The following PCSK6 variants were observed in gnomAD, a reference collection of about 807,000 sequenced individuals.
PCSK6 encodes paired basic amino acid cleaving enzyme 4.
Under a neutral mutation model 123.3 loss-of-function variants are expected in PCSK6, and 85 were observed. The ratio of observed to expected loss-of-function variants is 0.69; its 90% CI spans 0.58 to 0.83. PCSK6 has a LOEUF of 0.83. Among genes scored for constraint, PCSK6 ranks in the 40% least tolerant of loss-of-function variants. The probability of loss-of-function intolerance (pLI) is 0.00; values close to 1 mark genes in which losing one functional copy is unlikely to be tolerated. For synonymous variants in PCSK6, 508 were observed against 516.0 expected, an observed-to-expected ratio of 0.98 and a Z score of 0.21; for missense variants, 1,191 against 1,282.3, an observed-to-expected ratio of 0.93 and a Z score of 1.09.
chr15:101,407,526 A>T (rs919318538), intron 6 of PCSK6, among the ~76,000 whole-genome samples: 1 of 152,192 alleles, frequency 6.6e-6, no homozygotes, highest in Non-Finnish European at 1.5e-5. Flanking sequence ...CACCTCCATC[A>T]TGGGCTCTCA....
rs576427752 is a variant in PCSK6, at chr15:101,487,136, AGC to A, written c.297+2236_297+2237del. Among the ~76,000 whole-genome samples the A allele has an allele frequency of 5.2e-4, 79 of 152,370 alleles. 1 individual carries two copies. The South Asian group carries it at 0.011, about 20-fold the overall frequency. ...AAATGCTCCAGGCCTTTTCCACATT[AGC>A]AGTGCACTTAGAGGGGGGAAAGAAA... On this transcript the variant is annotated intron_variant, in intron 1 of 21. Transcript: ENST00000611716.
rs1269612842 is a variant in PCSK6 at position 101,370,526 on chromosome 15, G to A, written c.1533-3C>T. 14 of 1,467,824 alleles carry A rather than the reference G, an allele frequency of 9.5e-6. No homozygotes were observed. Among genetic ancestry groups the A allele is most frequent in the Non-Finnish European group, 1.3e-5 (14 of 1,101,286 alleles). 90.9% of individuals were successfully genotyped at this position (1,467,824 alleles called of 1,614,324 possible). On this transcript the variant is annotated splice_region_variant and splice_polypyrimidine_tract_variant and intron_variant, in intron 11 of 21. Coordinates refer to ENST00000611716, the MANE Select transcript of PCSK6 (RefSeq NM_002570.5). ...GCACCTGCACTAAGGGGATGCTCCT[G>A]GGGGAGAAGGGAGGGCTCAGCACTT...
Position 101,370,478 on chromosome 15 carries a change from G to C in PCSK6, c.1578C>G (p.Ser526Arg), listed in dbSNP as rs190254740. ...GCTGGTCCGAGTGCTCCGCGCAGGC[G>C]CTGGTCAGGGCCGTAGTCCGCAGCA... ...VQVLRTTALT[S>R]ACAEHSDQRV... Residue 526 changes from serine (S) to arginine (R), a missense_variant, in exon 12 of 22, where the codon AGC becomes AGG. By Grantham distance (110) the Ser-to-Arg change is moderately radical. Transcript: ENST00000611716. The C allele has an allele frequency of 2.6e-6, 4 of 1,544,454 alleles. No individual in the cohort carries two copies.
At chr15:101,405,890 AC>A (rs1193122347) in intron 6 of PCSK6, among the ~76,000 whole-genome samples, 3 of 152,042 alleles carry the variant, frequency 2.0e-5, no homozygotes, top group African/African-American at 7.2e-5. Flanking sequence ...TTACAGGCAC[AC>A]ACCACCACGC....
At chr15:101,328,110 C>G (rs758556614) in intron 15 of PCSK6, among the ~76,000 whole-genome samples, 2 of 152,194 alleles carry the variant, frequency 1.3e-5, no homozygotes, top group Non-Finnish European at 2.9e-5. Flanking sequence ...TTTAAATTAC[C>G]CATTGAGCCC....
chr15:101,451,170 G>A lies in PCSK6; in HGVS notation c.298-7510C>T, dbSNP rs183178188. Among the ~76,000 whole-genome samples the A allele has an allele frequency of 2.6e-5, 4 of 152,132 alleles. No homozygotes were observed. The East Asian group carries it at 7.7e-4, about 29-fold the overall frequency. On this transcript the variant is annotated intron_variant, in intron 1 of 21. Transcript: ENST00000611716. ...AGCTCGGGTTCACTCTGCCAGAAAAGACTAAATGTTTTTTGAAGATCCTGA... is the reference window on the plus strand; with the variant it reads ...AGCTCGGGTTCACTCTGCCAGAAAAAACTAAATGTTTTTTGAAGATCCTGA...
chr15:101,465,265 A>C (rs1333272619), intron 1 of PCSK6, among the ~76,000 whole-genome samples: 3 of 152,174 alleles, frequency 2.0e-5, no homozygotes. Context: ...GGGGACAGGG[A>C]CACACGCTGA....
intron 3 of PCSK6, 137 bp downstream of exon 3, chr15:101,431,853 T>C: frequency 1.4e-6 from 1 of 707,334 alleles, no homozygotes; most frequent in Non-Finnish European, 2.5e-6. Context: ...CTTGCGGTAG[T>C]GGTTTTACAC....
chr15:101,310,517 A>T (rs1299553156), intron 20 of PCSK6, among the ~76,000 whole-genome samples: 1 of 152,248 alleles, frequency 6.6e-6, no homozygotes, highest in Non-Finnish European at 1.5e-5. Context: ...TCTGAGAACC[A>T]GCTGACTGGT....
intron 8 of PCSK6, among the ~76,000 whole-genome samples, chr15:101,392,662 A>G (rs1189172902): frequency 6.7e-6 from 1 of 148,854 alleles, no homozygotes; most frequent in Non-Finnish European, 1.5e-5. Flanking sequence ...CCTGAGTACT[A>G]AAACAGTTAC....
chr15:101,483,704 G>A (rs2057948111), intron 1 of PCSK6, among the ~76,000 whole-genome samples: 1 of 152,254 alleles, frequency 6.6e-6, no homozygotes, highest in African/African-American at 2.4e-5. Flanking sequence ...ATGCACACAG[G>A]TTAGAGCGAG....
intron 13 of PCSK6, chr15:101,336,913 A>G (rs1327831549): frequency 6.6e-6 from 1 of 152,222 alleles, no homozygotes; most frequent in Non-Finnish European, 1.5e-5. Flanking sequence ...TGTGCCTCCA[A>G]AAGAGACCTT....
Position 101,489,224 on chromosome 15 carries a change from C to T in PCSK6, c.297+150G>A, listed in dbSNP as rs1437539365. ...GGCGACACCCCCCCCCGCAGGGCGC[C>T]CCGGCCGCCCGCCGTCCCCAAGCGG... On this transcript the variant is annotated intron_variant, in intron 1 of 21. Transcript: ENST00000611716. The T allele has an allele frequency of 2.0e-4, 75 of 366,794 alleles. 2 individuals carry two copies. The South Asian group carries it at 8.1e-3, about 40-fold the overall frequency. The allele number at this position is 366,794 out of a possible 1,614,324, so 22.7% of individuals were successfully genotyped here. A position where few individuals can be genotyped will look rare whatever the true frequency, so the allele number is the denominator to read the frequency against.
At chr15:101,405,367 A>C (rs1567196993) in intron 6 of PCSK6, among the ~76,000 whole-genome samples, 1 of 152,194 alleles carries the variant, frequency 6.6e-6, no homozygotes, top group African/African-American at 2.4e-5. Flanking sequence ...TGGCACAATG[A>C]ACCCGCCTGC....
chr15:101,483,721 T>C (rs899567348), intron 1 of PCSK6, among the ~76,000 whole-genome samples: 2 of 152,238 alleles, frequency 1.3e-5, no homozygotes, highest in Non-Finnish European at 2.9e-5. Flanking sequence ...CGAGGGTGAC[T>C]GGAAGGAGAA....
At chr15:101,385,551 C>T (rs2042035412) in intron 9 of PCSK6, among the ~76,000 whole-genome samples, 1 of 152,200 alleles carries the variant, frequency 6.6e-6, no homozygotes, top group Admixed American at 6.5e-5. Flanking sequence ...ATAATGGCAG[C>T]ACTTCTGGTT....
intron 19 of PCSK6, chr15:101,313,902 G>C (rs1215386816): frequency 5.9e-6 from 1 of 168,306 alleles, no homozygotes. Flanking sequence ...ATGTTGAAAT[G>C]GCAATATTTT....
At chr15:101,439,506 C>A (rs2056698838) in intron 2 of PCSK6, among the ~76,000 whole-genome samples, 2 of 152,328 alleles carry the variant, frequency 1.3e-5, no homozygotes, top group Admixed American at 6.5e-5. Context: ...CCCACGTGGG[C>A]AAATCCTCTG....
chr15:101,326,538 C>G, intron 15 of PCSK6, 59 bp from the exon 16 acceptor site: 1 of 1,434,032 alleles, frequency 7.0e-7, no homozygotes, highest in Admixed American at 2.0e-5. Flanking sequence ...CTACTGCAGT[C>G]CCGCGGATCC....
Sources: allele counts gnomAD v4.1 joint callset (sites outside exome capture counted in the v4.1 genomes callset), GRCh38; gene constraint gnomAD v4.1.1; transcripts MANE v1.5; gene names NCBI Gene and HGNC (gene_info 2026-07-23, HGNC 2026-07-21).